The following ATP10A variants were observed in gnomAD, a reference collection of about 807,000 sequenced individuals.
ATP10A encodes phospholipid-transporting ATPase VA.
A neutral mutation model predicts 147.8 loss-of-function variants in ATP10A; 111 were observed. The observed-to-expected ratio is 0.75, with a 90% CI of 0.64 to 0.88. ATP10A has a LOEUF of 0.88. Ranked by LOEUF, ATP10A falls within the 40% of genes least tolerant of loss-of-function variation. The pLI, the probability that ATP10A is intolerant of heterozygous loss-of-function variation, is 0.00. For missense variants in ATP10A, 1,927 were observed against 1,959.0 expected, an observed-to-expected ratio of 0.98 and a Z score of 0.31; for synonymous variants, 875 against 841.6, an observed-to-expected ratio of 1.04 and a Z score of -0.69.
In ATP10A at chr15:25,708,002, C is replaced by T. The variant is rs767644611; in HGVS notation, c.2549G>A (p.Arg850His). The part of the protein sequence containing the change: ...SEELLFQSAI[R>H]LETNLHLLGA... ...TAACAAGTGCAGGTTGGTCTCCAGG[C>T]GAATGGCAGACTGGAAGAGGAGCTC... Residue 850 changes from arginine to histidine, a missense_variant, in exon 12 of 21, where the codon CGC (arginine) becomes CAC (histidine). Physicochemically the swap from Arg to His is conservative, Grantham distance 29 (BLOSUM62 0). Coordinates refer to ENST00000555815, the MANE Select transcript of ATP10A (RefSeq NM_024490.4). The T allele has an allele frequency of 7.4e-6, 12 of 1,614,154 alleles. No homozygotes were observed. The highest frequency in any genetic ancestry group is 6.6e-5 in the South Asian group (6 of 91,084).
At chr15:25,793,111 T>C (rs1270569353) in intron 1 of ATP10A, among the ~76,000 whole-genome samples, 5 of 152,114 alleles carry the variant, frequency 3.3e-5, no homozygotes, top group African/African-American at 1.2e-4. Context: ...CCTCAGGTGA[T>C]CCACCCACCT....
intron 1 of ATP10A, among the ~76,000 whole-genome samples, chr15:25,814,440 T>C (rs1891562407): frequency 6.6e-6 from 1 of 152,170 alleles, no homozygotes. Flanking sequence ...ACACAAGGAA[T>C]GAAACTCACC....
chr15:25,810,093 T>G (rs1891363552), intron 1 of ATP10A, among the ~76,000 whole-genome samples: 1 of 151,926 alleles, frequency 6.6e-6, no homozygotes, highest in African/African-American at 2.4e-5. Flanking sequence ...ACTAGAACCC[T>G]TGCTGAGGGT....
intron 1 of ATP10A, among the ~76,000 whole-genome samples, chr15:25,786,617 C>CT (rs35892408): frequency 0.017 from 1,198 of 68,880 alleles, 247 homozygotes; most frequent in African/African-American, 0.032. Flanking sequence ...TCATTATCAT[C>CT]TTTTTTTTTT....
At chr15:25,818,376 TAAAG>T (rs1383923652) in intron 1 of ATP10A, among the ~76,000 whole-genome samples, 1 of 151,998 alleles carries the variant, frequency 6.6e-6, no homozygotes, top group Non-Finnish European at 1.5e-5. Context: ...AAAAAAAGGT[TAAAG>T]AAAGGTAGTA....
At chr15:25,858,620 C>T (rs143702479) in intron 1 of ATP10A, among the ~76,000 whole-genome samples, 1 of 151,990 alleles carries the variant, frequency 6.6e-6, no homozygotes, top group African/African-American at 2.4e-5. Flanking sequence ...GAAAATGGAG[C>T]GAAAATCAAA....
chr15:25,726,705 A>C (rs112282161), intron 4 of ATP10A, among the ~76,000 whole-genome samples: 66 of 151,198 alleles, frequency 4.4e-4, no homozygotes, highest in Non-Finnish European at 1.6e-4. Flanking sequence ...AGCCTCCCAA[A>C]GTGCTGGGAT....
At chr15:25,760,574 T>C (rs969461518) in intron 2 of ATP10A, among the ~76,000 whole-genome samples, 1 of 152,214 alleles carries the variant, frequency 6.6e-6, no homozygotes, top group African/African-American at 2.4e-5. Context: ...TGAAAAAAAC[T>C]CTGACAAGTA....
chr15:25,672,483 A>G (rs936367979), downstream of ATP10A, among the ~76,000 whole-genome samples: 1 of 152,162 alleles, frequency 6.6e-6, no homozygotes, highest in African/African-American at 2.4e-5. Context: ...CCTGCTTTGA[A>G]TTGCTTGGGT....
intron 1 of ATP10A, among the ~76,000 whole-genome samples, chr15:25,786,198 C>T (rs147709387): frequency 0.013 from 1,927 of 152,216 alleles, 15 homozygotes; most frequent in Non-Finnish European, 0.02. Context: ...TCAGGGTGGG[C>T]CAGGGCTGAC....
intron 1 of ATP10A, among the ~76,000 whole-genome samples, chr15:25,801,625 G>GTA (rs1176867021): frequency 6.6e-6 from 1 of 152,190 alleles, no homozygotes; most frequent in African/African-American, 2.4e-5. Flanking sequence ...ATGTTACAGT[G>GTA]GTTTAATCCG....
intron 3 of ATP10A, among the ~76,000 whole-genome samples, chr15:25,727,722 A>T (rs1188919107): frequency 3.3e-5 from 5 of 152,264 alleles, no homozygotes; most frequent in Non-Finnish European, 5.9e-5. Context: ...CATTTTTAAC[A>T]TCCTTTTCTC....
At chr15:25,677,317 C>A (rs1231130074), downstream of ATP10A, 4 of 152,122 alleles carry the variant, frequency 2.6e-5, no homozygotes, top group Admixed American at 1.3e-4. Flanking sequence ...ATAATACTCC[C>A]CATCCTAAAG....
intron 2 of ATP10A, among the ~76,000 whole-genome samples, chr15:25,742,665 A>G (rs1216356295): frequency 6.6e-6 from 1 of 152,184 alleles, no homozygotes; most frequent in Non-Finnish European, 1.5e-5. Flanking sequence ...TGTGGCTGTC[A>G]GCAAAGCCTT....
intron 2 of ATP10A, among the ~76,000 whole-genome samples, chr15:25,765,634 C>G (rs999966876): frequency 3.2e-4 from 49 of 152,350 alleles, no homozygotes; most frequent in African/African-American, 1.1e-3. Context: ...AGAGCTCGGG[C>G]TGGAAGCTCC....
intron 7 of ATP10A, among the ~76,000 whole-genome samples, chr15:25,718,625 A>G (rs953612276): frequency 2.0e-5 from 3 of 152,134 alleles, no homozygotes; most frequent in Admixed American, 2.0e-4. Flanking sequence ...CTTTCATCTC[A>G]GAGAACGTAA....
rs570071794 is a variant in ATP10A at position 25,747,383 on chromosome 15, C to T, written c.655-11242G>A. Among the ~76,000 whole-genome samples the T allele has an allele frequency of 1.1e-4, 16 of 150,752 alleles. No individual in the cohort carries two copies. In the South Asian group the frequency reaches 2.5e-3, roughly 24 times the overall value. Reference sequence around the variant, plus strand: ...TGCTTTCGGGGAAATTAATAGTCTACTTGACTATATTAAGGAATACTAAAA... The same window carrying T: ...TGCTTTCGGGGAAATTAATAGTCTATTTGACTATATTAAGGAATACTAAAA... On this transcript the variant is annotated intron_variant, in intron 2 of 20. Transcript: ENST00000555815.
Position 25,862,638 on chromosome 15 carries a change from C to T in ATP10A, c.449+10G>A. 6.4e-7 allele frequency: 1 copy of T among 1,554,038 alleles called. No individual in the cohort carries two copies. Among genetic ancestry groups the T allele is most frequent in the South Asian group, 1.2e-5 (1 of 82,758 alleles). On this transcript the variant is annotated intron_variant, in intron 1 of 20. Coordinates refer to ENST00000555815, the MANE Select transcript of ATP10A (RefSeq NM_024490.4). Reference sequence around the variant, plus strand: ...CACCGCGCGCTCGCTCGCCCGCCCGCCCAACTCACCTGCTGAAGACCAGGC... The same window carrying T: ...CACCGCGCGCTCGCTCGCCCGCCCGTCCAACTCACCTGCTGAAGACCAGGC...
rs766688802 is a variant in ATP10A, at chr15:25,718,182, C to G, written c.1581G>C (p.Met527Ile). The change falls in exon 8 of 21, where the codon ATG becomes ATC. Residue 527 changes from methionine to isoleucine, a missense_variant and splice_region_variant. By Grantham distance (10) the Met-to-Ile change is conservative (BLOSUM62 1). Coordinates refer to ENST00000555815, the MANE Select transcript of ATP10A (RefSeq NM_024490.4). ...LSKHTAFSSPMEKDITPDPKL... is the reference protein window; with the variant it reads ...LSKHTAFSSPIEKDITPDPKL... ...CTAGCAGGAGGCCCTGTACACTCACCATGGGGCTGCTGAAGGCCGTGTGCT... is the reference window on the plus strand; with the variant it reads ...CTAGCAGGAGGCCCTGTACACTCACGATGGGGCTGCTGAAGGCCGTGTGCT... The G allele has an allele frequency of 1.2e-6, 2 of 1,612,674 alleles. No homozygotes were observed. Among genetic ancestry groups the G allele is most frequent in the African/African-American group, 1.3e-5 (1 of 74,956 alleles).
Sources: allele counts gnomAD v4.1 joint callset (sites outside exome capture counted in the v4.1 genomes callset), GRCh38; gene constraint gnomAD v4.1.1; transcripts MANE v1.5; gene names NCBI Gene and HGNC (gene_info 2026-07-23, HGNC 2026-07-21).